ZWILCH: variants seen among roughly 807,000 people sequenced by gnomAD.
ZWILCH encodes protein zwilch homolog.
In ZWILCH, 74 loss-of-function variants were observed where a neutral mutation model predicts 79.9. The observed-to-expected ratio is 0.93, with a 90% CI of 0.77 to 1.12. The LOEUF (loss-of-function observed/expected upper bound fraction) is 1.12, where lower values mean the gene tolerates loss of function less well. ZWILCH is among the 50% of genes most tolerant of loss of function. The probability of loss-of-function intolerance (pLI) is 0.00; values close to 1 mark genes in which losing one functional copy is unlikely to be tolerated. For synonymous variants in ZWILCH, 241 were observed against 228.2 expected (o/e 1.06, Z -0.51); for missense variants, 694 against 687.5 (o/e 1.01, Z -0.11).
intron 2 of ZWILCH, among the ~76,000 whole-genome samples, chr15:66,510,799 G>C (rs951159483): frequency 3.9e-5 from 6 of 152,102 alleles, no homozygotes; most frequent in African/African-American, 1.4e-4. Context: ...TGCTTGGCTT[G>C]TAAACACATC....
Position 66,527,386 on chromosome 15 carries a change from GTATTACTTGTTT to G in ZWILCH, c.913+9_913+20del. The G allele has an allele frequency of 6.2e-7, 1 of 1,609,658 alleles. No individual in the cohort carries two copies. The highest frequency in any genetic ancestry group is 8.5e-7 in the Non-Finnish European group (1 of 1,176,196). ...ACTTGTTCAGGAATTTCTGAATGGT[GTATTACTTGTTT>G]TATTAATTGAGAATTTATACTTGCT... On this transcript the variant is annotated splice_donor_5th_base_variant and intron_variant, in intron 9 of 18. Coordinates refer to ENST00000307897, the MANE Select transcript of ZWILCH (RefSeq NM_017975.5).
At chr15:66,520,401 G>A in intron 5 of ZWILCH, 189 bp from the exon 6 acceptor site, 3 of 518,712 alleles carry the variant, frequency 5.8e-6, no homozygotes, top group Middle Eastern at 5.3e-4. Context: ...GATTATATGT[G>A]TGAGCCACCA....
In ZWILCH at chr15:66,515,509, TAAG is replaced by T. The variant is rs1894218859; in HGVS notation, c.202-14_202-12del. Reference sequence around the variant, plus strand: ...ATGCTCTTTTGTCTGGTTAAATAATTAAGAACATTTTTAAAGCCTTTAGAAAAG... The same window carrying T: ...ATGCTCTTTTGTCTGGTTAAATAATTAACATTTTTAAAGCCTTTAGAAAAG... On this transcript the variant is annotated splice_polypyrimidine_tract_variant and intron_variant, in intron 3 of 18. Coordinates refer to ENST00000307897, the MANE Select transcript of ZWILCH (RefSeq NM_017975.5). 2.0e-6 allele frequency: 3 copies of T among 1,508,892 alleles called. No individual in the cohort carries two copies. In the African/African-American group the frequency reaches 4.2e-5, roughly 21 times the overall value. 93.5% of individuals were successfully genotyped at this position (1,508,892 alleles called of 1,614,324 possible).
intron 16 of ZWILCH, 140 bp from the exon 17 acceptor site, chr15:66,539,958 T>C (rs897964985): frequency 1.5e-5 from 8 of 539,004 alleles, no homozygotes; most frequent in African/African-American, 2.0e-5. Flanking sequence ...ACTATACACC[T>C]CAAGGGCGGG....
chr15:66,537,416 C>T (rs1341689469), intron 16 of ZWILCH, among the ~76,000 whole-genome samples, 153 bp downstream of exon 16: 6 of 151,538 alleles, frequency 4.0e-5, no homozygotes, highest in Admixed American at 1.3e-4. Context: ...AATAGCTGGG[C>T]GTGGTGGCTC....
chr15:66,511,899 G>A (rs1029940225), intron 2 of ZWILCH, among the ~76,000 whole-genome samples: 7 of 152,128 alleles, frequency 4.6e-5, no homozygotes, highest in Non-Finnish European at 8.8e-5. Context: ...ACATTCGTGA[G>A]CCACTGCACC....
intron 3 of ZWILCH, 72 bp downstream of exon 3, chr15:66,514,155 C>T (rs937722999): frequency 1.9e-5 from 20 of 1,030,834 alleles, no homozygotes; most frequent in Admixed American, 7.3e-5. Context: ...AATAATCTAA[C>T]GTACACGTTT....
chr15:66,523,509 C>CT (rs1420359446), intron 7 of ZWILCH, 168 bp from the exon 8 acceptor site: 11 of 537,990 alleles, frequency 2.0e-5, no homozygotes, highest in Admixed American at 1.1e-4. Flanking sequence ...GGCAAAATCT[C>CT]TGAGTAAGAT....
intron 2 of ZWILCH, among the ~76,000 whole-genome samples, chr15:66,509,324 T>C (rs79981875): frequency 0.18 from 27,172 of 152,178 alleles, 3,093 homozygotes; most frequent in Middle Eastern, 0.29. Context: ...TTATGTCCCT[T>C]TACAGTGAGC....
intron 18 of ZWILCH, chr15:66,548,107 G>A (rs1895448788): frequency 6.3e-6 from 1 of 159,056 alleles, no homozygotes; most frequent in African/African-American, 2.4e-5. Context: ...TATCTATCAG[G>A]TATGGGACAG....
chr15:66,531,899 T>G (rs1894862956), intron 12 of ZWILCH, among the ~76,000 whole-genome samples: 2 of 151,672 alleles, frequency 1.3e-5, no homozygotes, highest in Admixed American at 1.3e-4. Context: ...AAACCCCATC[T>G]CTACTAAAAA....
chr15:66,517,430 G>GTGTGTGTGTATATATA lies in ZWILCH; in HGVS notation c.321-1448_321-1447insGTGTGTGTATATATAT. On this transcript the variant is annotated intron_variant, in intron 4 of 18. Coordinates refer to ENST00000307897, the MANE Select transcript of ZWILCH (RefSeq NM_017975.5). ...TGTTTGTGTGTGCGTGTGTGTGTGT[G>GTGTGTGTGTATATATA]TATATATATATATATATATATATAT... Among the ~76,000 whole-genome samples, 334 of 66,496 alleles carry GTGTGTGTGTATATATA rather than the reference G, an allele frequency of 5.0e-3. 7 individuals carry two copies. Among genetic ancestry groups the GTGTGTGTGTATATATA allele is most frequent in the African/African-American group, 0.016 (265 of 16,314 alleles). The allele number at this position is 66,496 out of a possible 152,430, so 43.6% of individuals were successfully genotyped here.
intron 7 of ZWILCH, among the ~76,000 whole-genome samples, chr15:66,523,011 C>T (rs776219940): frequency 2.6e-5 from 4 of 152,098 alleles, no homozygotes; most frequent in East Asian, 1.9e-4. Context: ...TTAGTAGGGA[C>T]GGGGTTTCGC....
At chr15:66,538,204 CT>C (rs1895073355) in intron 16 of ZWILCH, among the ~76,000 whole-genome samples, 1 of 151,956 alleles carries the variant, frequency 6.6e-6, no homozygotes, top group Admixed American at 6.6e-5. Context: ...TATTTATGTC[CT>C]CCCTGTATTT....
chr15:66,510,071 A>T (rs764963054), intron 2 of ZWILCH, among the ~76,000 whole-genome samples: 1 of 150,026 alleles, frequency 6.7e-6, no homozygotes. Context: ...CCAGCTACTC[A>T]GGAGGCTGAG....
chr15:66,512,365 C>T (rs949776637), intron 2 of ZWILCH, among the ~76,000 whole-genome samples: 1 of 150,624 alleles, frequency 6.6e-6, no homozygotes, highest in Non-Finnish European at 1.5e-5. Flanking sequence ...CTCAAGTGAT[C>T]CTCACACCTC....
At chr15:66,538,393 T>G (rs998086081) in intron 16 of ZWILCH, among the ~76,000 whole-genome samples, 10 of 152,004 alleles carry the variant, frequency 6.6e-5, no homozygotes, top group African/African-American at 2.4e-4. Flanking sequence ...GCACTTTTTT[T>G]TTTTTTTAGA....
intron 2 of ZWILCH, among the ~76,000 whole-genome samples, chr15:66,511,513 T>TAAAAAGA (rs1223900839): frequency 6.7e-6 from 1 of 149,334 alleles, no homozygotes; most frequent in East Asian, 2.0e-4. Context: ...AAAAAAAAGA[T>TAAAAAGA]AAAAAGAAAC....
At position 66,521,090 on chromosome 15, in the gene ZWILCH, C is replaced by T. The variant is rs1894476250; in HGVS notation, c.632C>T (p.Ser211Phe). ...KGFAQYELFK[S>F]SALDDTITAS... is the part of the protein sequence containing the mutation. ...TTTGCCCAGTATGAGCTCTTTAAGT[C>T]CTCTGCCTTGGATGATACAATCACA... Residue 211 changes from serine (S) to phenylalanine (F), a missense_variant, in exon 7 of 19, where the codon TCC (serine) becomes TTC (phenylalanine). Transcript: ENST00000307897. 1.9e-6 allele frequency: 3 copies of T among 1,613,968 alleles called. No homozygotes were observed. Among genetic ancestry groups the T allele is most frequent in the Non-Finnish European group, 2.5e-6 (3 of 1,180,026 alleles).
Sources: allele counts gnomAD v4.1 joint callset (sites outside exome capture counted in the v4.1 genomes callset), GRCh38; gene constraint gnomAD v4.1.1; transcripts MANE v1.5; gene names NCBI Gene and HGNC (gene_info 2026-07-23, HGNC 2026-07-21).